TBCA: variants seen among roughly 807,000 people sequenced by gnomAD.
The protein encoded by TBCA is tubulin folding cofactor A, also known as tubulin-specific chaperone A.
A neutral mutation model predicts 15.8 loss-of-function variants in TBCA; 6 were observed. That is an observed-to-expected ratio of 0.38 (90% confidence interval 0.21 to 0.75). The LOEUF (loss-of-function observed/expected upper bound fraction) is 0.75. Ranked by LOEUF, TBCA falls within the 30% of genes least tolerant of loss-of-function variation. TBCA has a pLI of 0.46. For missense variants in TBCA, 90 were observed against 131.2 expected, an observed-to-expected ratio of 0.69 and a Z score of 1.53; for synonymous variants, 32 against 42.3, an observed-to-expected ratio of 0.76 and a Z score of 0.94.
chr5:77,757,216 G>A (rs556179713), intron 1 of TBCA, among the ~76,000 whole-genome samples: 2 of 152,212 alleles, frequency 1.3e-5, no homozygotes, highest in South Asian at 4.1e-4. Flanking sequence ...CCAACAATAT[G>A]ATTACAGAGT....
chr5:77,760,486 G>A (rs967700461), intron 1 of TBCA, among the ~76,000 whole-genome samples: 9 of 151,832 alleles, frequency 5.9e-5, no homozygotes, highest in African/African-American at 2.2e-4. Flanking sequence ...GTACTGCCGT[G>A]ATCTCGGCTC....
chr5:77,715,123 A>T, intron 1 of TBCA: 1 of 626,336 alleles, frequency 1.6e-6, no homozygotes, highest in East Asian at 2.7e-5. Flanking sequence ...TAAGATTTCA[A>T]AGAGGCAATA....
intron 1 of TBCA, among the ~76,000 whole-genome samples, chr5:77,748,357 C>T (rs991168509): frequency 6.8e-6 from 1 of 146,190 alleles, no homozygotes; most frequent in Non-Finnish European, 1.5e-5. Context: ...TCTATTTCTG[C>T]GTGTGTGTGG....
chr5:77,771,070 G>A (rs353919), intron 1 of TBCA, among the ~76,000 whole-genome samples: 66,926 of 151,710 alleles, frequency 0.44, 14,905 homozygotes, highest in East Asian at 0.52. Context: ...GCAGTGAGCC[G>A]AGATCACACC....
At chr5:77,693,048 A>C in intron 3 of TBCA, 1 of 1,431,034 alleles carries the variant, frequency 7.0e-7, no homozygotes, top group Non-Finnish European at 9.1e-7. Flanking sequence ...AAATTTTAAT[A>C]AACTGAACAA....
intron 1 of TBCA, among the ~76,000 whole-genome samples, chr5:77,763,758 T>C (rs1580137066): frequency 6.6e-6 from 1 of 152,284 alleles, no homozygotes; most frequent in East Asian, 1.9e-4. Flanking sequence ...TCCAGAACTT[T>C]GAGAAATAAA....
At chr5:77,718,396 A>C (rs775012408) in intron 1 of TBCA, among the ~76,000 whole-genome samples, 1 of 152,222 alleles carries the variant, frequency 6.6e-6, no homozygotes, top group African/African-American at 2.4e-5. Context: ...AAAGGAAACA[A>C]TATGGCACCA....
intron 3 of TBCA, chr5:77,691,885 G>T: frequency 1.0e-6 from 1 of 993,190 alleles, no homozygotes; most frequent in Non-Finnish European, 1.2e-6. Context: ...CAGCATTCAG[G>T]CCAAAATAAT....
At chr5:77,776,103 G>A (rs1289616636) in intron 1 of TBCA, 102 bp downstream of exon 1, 4 of 1,448,538 alleles carry the variant, frequency 2.8e-6, no homozygotes, top group Non-Finnish European at 3.8e-6. Flanking sequence ...CCTGGAGTTC[G>A]GAGCCCGCCT....
chr5:77,736,909 A>C (rs947717550), intron 1 of TBCA, among the ~76,000 whole-genome samples: 1 of 152,236 alleles, frequency 6.6e-6, no homozygotes, highest in African/African-American at 2.4e-5. Context: ...CAAATCATAT[A>C]GATGATGGGT....
intron 1 of TBCA, among the ~76,000 whole-genome samples, chr5:77,737,934 A>G (rs1213599636): frequency 6.6e-6 from 1 of 152,168 alleles, no homozygotes; most frequent in Non-Finnish European, 1.5e-5. Context: ...TGTTTCATCA[A>G]TTTAACAGTT....
At chr5:77,765,781 T>C (rs543704076) in intron 1 of TBCA, among the ~76,000 whole-genome samples, 1 of 151,862 alleles carries the variant, frequency 6.6e-6, no homozygotes, top group East Asian at 2.0e-4. Flanking sequence ...GTCTACTCTT[T>C]GAGAAGTTCT....
intron 1 of TBCA, among the ~76,000 whole-genome samples, chr5:77,770,413 C>G (rs1747878308): frequency 6.6e-6 from 1 of 152,156 alleles, no homozygotes; most frequent in Non-Finnish European, 1.5e-5. Context: ...AATCACAGAA[C>G]ACATAAAACA....
In TBCA at chr5:77,739,467, A is replaced by G. The variant is rs1475429917; in HGVS notation, c.54-31120T>C. ...GTGAGGCGCTGTCTCAACAACAACA[A>G]AAGTTTGAAATATCTTGCTCTATAG... On this transcript the variant is annotated intron_variant, in intron 1 of 3. Coordinates refer to ENST00000380377, the MANE Select transcript of TBCA (RefSeq NM_004607.3). Among the ~76,000 whole-genome samples the G allele has an allele frequency of 2.0e-5, 3 of 152,318 alleles. No individual in the cohort carries two copies. In the East Asian group the frequency reaches 5.8e-4, roughly 29 times the overall value.
chr5:77,767,568 G>C (rs1747809270), intron 1 of TBCA, among the ~76,000 whole-genome samples: 1 of 152,088 alleles, frequency 6.6e-6, no homozygotes, highest in African/African-American at 2.4e-5. Context: ...TTTTTGCTGG[G>C]GCTTGGGGGT....
chr5:77,740,058 C>T (rs1455667729), intron 1 of TBCA, among the ~76,000 whole-genome samples: 1 of 152,052 alleles, frequency 6.6e-6, no homozygotes, highest in Non-Finnish European at 1.5e-5. Flanking sequence ...AAAAGGATAT[C>T]TGGCAGGAGT....
At chr5:77,722,471 T>C (rs796352952) in intron 1 of TBCA, among the ~76,000 whole-genome samples, 7 of 152,120 alleles carry the variant, frequency 4.6e-5, no homozygotes, top group African/African-American at 1.7e-4. Context: ...ACAAATAAAG[T>C]TTTGGAAATA....
chr5:77,756,830 C>T (rs1483398240), intron 1 of TBCA, among the ~76,000 whole-genome samples: 1 of 149,838 alleles, frequency 6.7e-6, no homozygotes, highest in African/African-American at 2.5e-5. Flanking sequence ...AGAATCTGCC[C>T]ATGACCCTTG....
intron 1 of TBCA, among the ~76,000 whole-genome samples, chr5:77,732,064 C>T (rs1457276993): frequency 6.6e-6 from 1 of 152,024 alleles, no homozygotes; most frequent in Non-Finnish European, 1.5e-5. Flanking sequence ...GCTTAATGGA[C>T]GGAGTGAACC....
Sources: gnomAD v4.1 joint callset for allele counts (sites outside exome capture counted in the v4.1 genomes callset) on GRCh38, gnomAD v4.1.1 for gene constraint, MANE v1.5 for transcripts, NCBI Gene and HGNC (gene_info 2026-07-23, HGNC 2026-07-21) for gene names.